Variants in C19orf47 observed in about 807,000 individuals in gnomAD.
C19orf47 encodes chromosome 19 open reading frame 47, also known as uncharacterized protein C19orf47.
Under a neutral mutation model 32.3 loss-of-function variants are expected in C19orf47, and 18 were observed. The observed-to-expected ratio is 0.56, with a 90% CI of 0.39 to 0.83. The LOEUF (loss-of-function observed/expected upper bound fraction) is 0.83. C19orf47 is among the 40% of genes least tolerant of loss of function. The probability of loss-of-function intolerance (pLI) is 0.00; values close to 1 mark genes in which losing one functional copy is unlikely to be tolerated. For synonymous variants in C19orf47, 202 were observed against 211.1 expected, an observed-to-expected ratio of 0.96 and a Z score of 0.37; for missense variants, 484 against 531.6, an observed-to-expected ratio of 0.91 and a Z score of 0.88.
At chr19:40,293,039 C>T in the C19orf47 span, among the ~76,000 whole-genome samples, 2 of 152,180 alleles carry the variant, frequency 1.3e-5, no homozygotes, top group Non-Finnish European at 2.9e-5. Context: ...AGCCCCAAGC[C>T]CCTCTTCTTT....
chr19:40,321,705 C>G lies in C19orf47; in HGVS notation c.*177G>C. 1 of 1,418,628 alleles carries G rather than the reference C, an allele frequency of 7.0e-7. No homozygotes were observed. Among genetic ancestry groups the G allele is most frequent in the Non-Finnish European group, 9.2e-7 (1 of 1,092,314 alleles). 87.9% of individuals were successfully genotyped at this position (1,418,628 alleles called of 1,614,324 possible). A position where few individuals can be genotyped will look rare whatever the true frequency, so the allele number is the denominator to read the frequency against. On this transcript the variant is annotated 3_prime_UTR_variant, in exon 9 of 9. Coordinates refer to ENST00000683109, the MANE Select transcript of C19orf47 (RefSeq NM_001256441.2). ...AGCAGGCCAGGCCAGCTGCGACGAC[C>G]ATCCCAGGCTAGGAGAAATGGGGTG... is the stretch of plus-strand genomic sequence containing the variant.
rs2077886399 is a variant in C19orf47 at position 40,328,657 on chromosome 19, G to A, written c.302-107C>T. On this transcript the variant is annotated intron_variant, in intron 5 of 8. Transcript: ENST00000683109. ...GAAGGTGAGGCTTGAGACTGAATGA[G>A]AAGGTCAGCGGGTATCACCCTGTAA... 5.7e-6 allele frequency: 8 copies of A among 1,404,048 alleles called. No homozygotes were observed. In the East Asian group the frequency reaches 1.9e-4, roughly 34 times the overall value. 87.0% of individuals were successfully genotyped at this position (1,404,048 alleles called of 1,614,324 possible).
chr19:40,348,367 T>G lies in C19orf47; in HGVS notation c.-77A>C. On this transcript the variant is annotated 5_prime_UTR_variant, in exon 1 of 9. Coordinates refer to ENST00000683109, the MANE Select transcript of C19orf47 (RefSeq NM_001256441.2). ...GCCCACTCGCGCCGCCCGCCCTCCC[T>G]CCCGGCGGCGCCAACTGTCAGACAC... The G allele has an allele frequency of 4.7e-6, 5 of 1,066,224 alleles. No individual in the cohort carries two copies. Among genetic ancestry groups the G allele is most frequent in the East Asian group, 8.5e-5 (1 of 11,786 alleles). 66.0% of individuals were successfully genotyped at this position (1,066,224 alleles called of 1,614,324 possible). A position where few individuals can be genotyped will look rare whatever the true frequency, so the allele number is the denominator to read the frequency against.
At chr19:40,329,105 T>C (rs182672529) in intron 5 of C19orf47, among the ~76,000 whole-genome samples, 4 of 151,994 alleles carry the variant, frequency 2.6e-5, no homozygotes, top group Non-Finnish European at 5.9e-5. Context: ...TTCACAGCCC[T>C]TACAACTGCT....
At chr19:40,295,053 G>A in the C19orf47 span, among the ~76,000 whole-genome samples, 5 of 152,098 alleles carry the variant, frequency 3.3e-5, no homozygotes, top group Admixed American at 2.0e-4. Flanking sequence ...ACGGAGTCTC[G>A]CCCTGTCGCC....
chr19:40,297,742 C>G, the C19orf47 span, among the ~76,000 whole-genome samples: 2 of 148,174 alleles, frequency 1.3e-5, no homozygotes, highest in Non-Finnish European at 3.0e-5. Flanking sequence ...GGCGTGGTGG[C>G]GGGCACCTGT....
chr19:40,322,394 A>T lies in C19orf47; in HGVS notation c.664-18T>A. ...CCTGTGGGCTGTGGAGGTCAGAGAC[A>T]GGATGAATGAGTCACTGAGTCACTC... is the stretch of plus-strand genomic sequence containing the variant. On this transcript the variant is annotated intron_variant, in intron 8 of 8. Coordinates refer to ENST00000683109, the MANE Select transcript of C19orf47 (RefSeq NM_001256441.2). 6.5e-7 allele frequency: 1 copy of T among 1,545,516 alleles called. No homozygotes were observed.
In C19orf47 at chr19:40,321,874, C is replaced by A. The variant is rs762979684; in HGVS notation, c.*8G>T. The A allele has an allele frequency of 6.4e-7, 1 of 1,564,984 alleles. No individual in the cohort carries two copies. On this transcript the variant is annotated 3_prime_UTR_variant, in exon 9 of 9. Transcript: ENST00000683109. ...GGCTCTGCTGCCTGCACCCCGCCCA[C>A]AGGTGGGCTAGAAGGTCCTGCGGCC...
chr19:40,332,310 G>A (rs564255348), intron 5 of C19orf47, among the ~76,000 whole-genome samples: 36 of 151,644 alleles, frequency 2.4e-4, no homozygotes, highest in African/African-American at 8.2e-4. Context: ...TTAGCTAAGC[G>A]TGCCATCGCA....
chr19:40,335,931 T>G (rs1159702020), intron 4 of C19orf47, among the ~76,000 whole-genome samples, 179 bp downstream of exon 4: 2 of 152,146 alleles, frequency 1.3e-5, no homozygotes, highest in Non-Finnish European at 2.9e-5. Flanking sequence ...CTTTCACAGA[T>G]GCAGAAAATA....
rs756181774 is a variant in C19orf47, at chr19:40,322,385, G to A, written c.664-9C>T. The A allele has an allele frequency of 2.6e-5, 40 of 1,558,880 alleles. No homozygotes were observed. In the African/African-American group the frequency reaches 3.8e-4, roughly 15 times the overall value. On this transcript the variant is annotated splice_polypyrimidine_tract_variant and intron_variant, in intron 8 of 8. Coordinates refer to ENST00000683109, the MANE Select transcript of C19orf47 (RefSeq NM_001256441.2). Reference sequence around the variant, plus strand: ...CTGAAGACTCCTGTGGGCTGTGGAGGTCAGAGACAGGATGAATGAGTCACT... The same window carrying A: ...CTGAAGACTCCTGTGGGCTGTGGAGATCAGAGACAGGATGAATGAGTCACT...
chr19:40,307,004 T>C, the C19orf47 span, among the ~76,000 whole-genome samples: 1 of 151,224 alleles, frequency 6.6e-6, no homozygotes, highest in African/African-American at 2.4e-5. Context: ...TTAGCCAGGA[T>C]GGTCTTGATC....
In C19orf47 at chr19:40,324,041, C is replaced by T. The variant is rs972074756; in HGVS notation, c.628G>A (p.Ala210Thr). Reference protein sequence around the residue: ...HRTSVFDRLGAETKADTTTGS... With the variant: ...HRTSVFDRLGTETKADTTTGS... ...GTCGTGGTGTCTGCCTTGGTCTCGGCGCCGAGGCGGTCAAACACAGACGTC... is the reference window on the plus strand; with the variant it reads ...GTCGTGGTGTCTGCCTTGGTCTCGGTGCCGAGGCGGTCAAACACAGACGTC... Residue 210 changes from alanine (A) to threonine (T), a missense_variant, in exon 8 of 9, where the codon GCC becomes ACC. Physicochemically the swap from Ala to Thr is moderately conservative, Grantham distance 58. This residue lies in a region of C19orf47 where 376 missense variants were observed against 370.2 expected (regional missense o/e 1.02). Coordinates refer to ENST00000683109, the MANE Select transcript of C19orf47 (RefSeq NM_001256441.2). 3 of 1,614,094 alleles carry T rather than the reference C, an allele frequency of 1.9e-6. No homozygotes were observed. The highest frequency in any genetic ancestry group is 1.7e-5 in the Admixed American group (1 of 60,010).
the C19orf47 span, among the ~76,000 whole-genome samples, chr19:40,296,229 G>A: frequency 6.6e-6 from 1 of 152,094 alleles, no homozygotes; most frequent in African/African-American, 2.4e-5. Flanking sequence ...AACTTGTACT[G>A]CATGTTATTG....
the C19orf47 span, among the ~76,000 whole-genome samples, chr19:40,309,541 G>A: frequency 6.6e-6 from 1 of 151,784 alleles, no homozygotes; most frequent in African/African-American, 2.4e-5. Flanking sequence ...ACTGATTTTT[G>A]CATCATTTGA....
At chr19:40,339,427 T>C (rs552270123) in intron 2 of C19orf47, among the ~76,000 whole-genome samples, 1 of 152,290 alleles carries the variant, frequency 6.6e-6, no homozygotes, top group South Asian at 2.1e-4. Flanking sequence ...TCATAGCAGT[T>C]TGTCTGTGAT....
the C19orf47 span, among the ~76,000 whole-genome samples, chr19:40,305,114 G>T: frequency 1.8e-4 from 28 of 152,206 alleles, no homozygotes; most frequent in South Asian, 5.2e-3. Flanking sequence ...AGGCAAAGGA[G>T]AGCGGATCAC....
rs148067201 is a variant in C19orf47, at chr19:40,342,919, C to T, written c.-33-1029G>A. On this transcript the variant is annotated intron_variant, in intron 1 of 8. Transcript: ENST00000683109. Reference sequence around the variant, plus strand: ...AAGTGGCGACCTGATCATGAGACGTCCCAGAGAAGACATGGAAAACCAATT... The same window carrying T: ...AAGTGGCGACCTGATCATGAGACGTTCCAGAGAAGACATGGAAAACCAATT... 5.3e-5 allele frequency among the ~76,000 whole-genome samples: 8 copies of T among 152,248 alleles called. No individual in the cohort carries two copies. The East Asian group carries it at 1.5e-3, about 29-fold the overall frequency.
downstream of C19orf47, among the ~76,000 whole-genome samples, chr19:40,315,978 T>C (rs1400832151): frequency 6.6e-6 from 1 of 151,534 alleles, no homozygotes; most frequent in Non-Finnish European, 1.5e-5. Flanking sequence ...AATAAAGCTG[T>C]TCTAAAAATA....
Sources: gnomAD v4.1 joint callset for allele counts (sites outside exome capture counted in the v4.1 genomes callset) on GRCh38, gnomAD v4.1.1 for gene constraint, gnomAD v4.1.1 regional missense constraint, MANE v1.5 for transcripts, NCBI Gene and HGNC (gene_info 2026-07-23, HGNC 2026-07-21) for gene names.